AIG1: variants seen among roughly 807,000 people sequenced by gnomAD.
AIG1 encodes the protein androgen induced 1, also known as androgen-induced gene 1 protein.
AIG1 carries 23 observed loss-of-function variants against 31.4 expected under a neutral mutation model. That is an observed-to-expected ratio of 0.73 (90% CI 0.53 to 1.04). AIG1 has a LOEUF of 1.04. AIG1 is among the 50% of genes least tolerant of loss of function. The pLI is 0.00. For missense variants in AIG1, 274 were observed against 295.0 expected, an observed-to-expected ratio of 0.93 and a Z score of 0.52; for synonymous variants, 100 against 110.5, an observed-to-expected ratio of 0.90 and a Z score of 0.60.
chr6:143,216,559 G>T (rs1256647279), intron 3 of AIG1, among the ~76,000 whole-genome samples: 2 of 152,198 alleles, frequency 1.3e-5, no homozygotes, highest in Admixed American at 6.5e-5. Context: ...GCTACTCTTG[G>T]AGATTCTTTT....
chr6:143,208,103 G>A (rs903340325), intron 3 of AIG1, among the ~76,000 whole-genome samples: 1 of 152,138 alleles, frequency 6.6e-6, no homozygotes, highest in Non-Finnish European at 1.5e-5. Context: ...CTTCATGTGA[G>A]TAAGACTGGC....
chr6:143,324,848 C>T (rs546271257), intron 4 of AIG1, among the ~76,000 whole-genome samples: 1 of 152,264 alleles, frequency 6.6e-6, no homozygotes, highest in South Asian at 2.1e-4. Flanking sequence ...AGAAAGGTGA[C>T]ATAGCTAGAA....
intron 3 of AIG1, among the ~76,000 whole-genome samples, chr6:143,171,318 C>T (rs1276369449): frequency 1.3e-5 from 2 of 148,736 alleles, no homozygotes; most frequent in African/African-American, 5.0e-5. Context: ...CGAGTTACTT[C>T]ACTTAGAATG....
chr6:143,065,913 G>A (rs1776657626), intron 1 of AIG1, among the ~76,000 whole-genome samples: 2 of 152,262 alleles, frequency 1.3e-5, no homozygotes, highest in Admixed American at 1.3e-4. Context: ...AATCCCATTG[G>A]CTCTAGTTTG....
chr6:143,264,738 G>C lies in AIG1; in HGVS notation c.400-19372G>C, dbSNP rs923013309. ...AACTTTACCTGCGTGTTATTGATTGGTTTCTGTAAAGCAATGAAACAATAT... is the reference window on the plus strand; with the variant it reads ...AACTTTACCTGCGTGTTATTGATTGCTTTCTGTAAAGCAATGAAACAATAT... On this transcript the variant is annotated intron_variant, in intron 3 of 5. Transcript: ENST00000357847. 8.5e-5 allele frequency among the ~76,000 whole-genome samples: 13 copies of C among 152,282 alleles called. No homozygotes were observed. In the East Asian group the frequency reaches 2.5e-3, roughly 29 times the overall value.
chr6:143,323,622 C>A (rs1373096181), intron 4 of AIG1, among the ~76,000 whole-genome samples: 4 of 151,924 alleles, frequency 2.6e-5, no homozygotes, highest in Non-Finnish European at 5.9e-5. Flanking sequence ...CTAAGGAGAC[C>A]ATTTTGAGCC....
intron 1 of AIG1, among the ~76,000 whole-genome samples, chr6:143,118,102 A>T (rs1472545948): frequency 6.6e-6 from 1 of 152,190 alleles, no homozygotes; most frequent in African/African-American, 2.4e-5. Context: ...AAAGGACAAA[A>T]GCAATGTAGG....
intron 3 of AIG1, among the ~76,000 whole-genome samples, chr6:143,253,581 T>C (rs1396836077): frequency 2.0e-5 from 3 of 152,226 alleles, no homozygotes; most frequent in African/African-American, 7.2e-5. Flanking sequence ...ATAAATAGAT[T>C]ATTCCTAAAC....
intron 4 of AIG1, among the ~76,000 whole-genome samples, chr6:143,295,506 A>G (rs1798363800): frequency 6.6e-6 from 1 of 152,124 alleles, no homozygotes; most frequent in Non-Finnish European, 1.5e-5. Context: ...CTAGCTCCAG[A>G]CACAGTGATC....
In AIG1 at chr6:143,298,532, A is replaced by G. The variant is rs142321400; in HGVS notation, c.515+14307A>G. Among the ~76,000 whole-genome samples, 10 of 152,328 alleles carry G rather than the reference A, an allele frequency of 6.6e-5. No individual in the cohort carries two copies. Among genetic ancestry groups the G allele is most frequent in the East Asian group, 1.9e-4 (1 of 5,192 alleles). ...GTAGATAAGTCTAATATAAGATGCT[A>G]TCCATTTAAAAGTAGCCAGGTGTGG... is the stretch of plus-strand genomic sequence containing the variant. On this transcript the variant is annotated intron_variant, in intron 4 of 5. Coordinates refer to ENST00000357847, the MANE Select transcript of AIG1 (RefSeq NM_016108.4). This position sits in a 1 kb window ranked among gnomAD's most constrained non-coding sequence, Gnocchi z 5.1.
intron 4 of AIG1, among the ~76,000 whole-genome samples, chr6:143,311,927 T>C (rs1775313874): frequency 6.6e-6 from 1 of 151,830 alleles, no homozygotes; most frequent in South Asian, 2.1e-4. Flanking sequence ...TTGAAGAATC[T>C]GAAAAAGAAA....
intron 4 of AIG1, among the ~76,000 whole-genome samples, chr6:143,300,989 C>T (rs1798786783): frequency 6.6e-6 from 1 of 152,036 alleles, no homozygotes; most frequent in African/African-American, 2.4e-5. Flanking sequence ...GACGGAGTCT[C>T]GCTCTGTCAC....
intron 3 of AIG1, among the ~76,000 whole-genome samples, chr6:143,183,800 G>T (rs1019326726): frequency 2.0e-5 from 3 of 152,098 alleles, no homozygotes; most frequent in African/African-American, 7.2e-5. Flanking sequence ...CCATTCATTT[G>T]CCCTTAGGTC....
At chr6:143,061,168 A>T in intron 1 of AIG1, 102 bp downstream of exon 1, 1 of 1,425,960 alleles carries the variant, frequency 7.0e-7, no homozygotes, top group Non-Finnish European at 9.8e-7. Context: ...GCACCTGCGC[A>T]CGTGCGCGCC....
chr6:143,113,474 G>A (rs1781464005), intron 1 of AIG1, among the ~76,000 whole-genome samples: 2 of 151,286 alleles, frequency 1.3e-5, no homozygotes, highest in South Asian at 2.1e-4. Context: ...ATGGTGGCAT[G>A]CGCCTGTAGT....
upstream of AIG1, among the ~76,000 whole-genome samples, chr6:143,059,606 T>TG (rs1776088350): frequency 6.6e-6 from 1 of 152,218 alleles, no homozygotes; most frequent in African/African-American, 2.4e-5. Flanking sequence ...ATAATTATAA[T>TG]GCCAATTAAA....
At chr6:143,290,813 CAAT>C (rs943688053) in intron 4 of AIG1, among the ~76,000 whole-genome samples, 2 of 152,158 alleles carry the variant, frequency 1.3e-5, no homozygotes, top group Non-Finnish European at 2.9e-5. Flanking sequence ...CCTGCTGTAA[CAAT>C]AAGTATCTCA....
At chr6:143,186,398 G>A (rs1414403133) in intron 3 of AIG1, among the ~76,000 whole-genome samples, 1 of 152,156 alleles carries the variant, frequency 6.6e-6, no homozygotes, top group Non-Finnish European at 1.5e-5. Context: ...TCAGATATGT[G>A]TAAACCTGGG....
At chr6:143,091,516 A>G (rs1454614323) in intron 1 of AIG1, among the ~76,000 whole-genome samples, 1 of 152,236 alleles carries the variant, frequency 6.6e-6, no homozygotes, top group Non-Finnish European at 1.5e-5. Flanking sequence ...ATAAATGCTA[A>G]AAATCACAAT....
Sources: allele counts gnomAD v4.1 joint callset (sites outside exome capture counted in the v4.1 genomes callset), GRCh38; gene constraint gnomAD v4.1.1; non-coding constraint Gnocchi (gnomAD v3.1); transcripts MANE v1.5; gene names NCBI Gene and HGNC (gene_info 2026-07-23, HGNC 2026-07-21).